PTPRN2: variants seen among roughly 807,000 people sequenced by gnomAD.
PTPRN2 encodes the protein receptor-type tyrosine-protein phosphatase N2.
Under a neutral mutation model 118.8 loss-of-function variants are expected in PTPRN2, and 74 were observed. That is an observed-to-expected ratio of 0.62 (90% CI 0.52 to 0.76). The LOEUF (loss-of-function observed/expected upper bound fraction) is 0.76, where lower values mean the gene tolerates loss of function less well. PTPRN2 is among the 30% of genes least tolerant of loss of function. PTPRN2 has a pLI of 0.00. For missense variants in PTPRN2, 1,481 were observed against 1,394.4 expected (o/e 1.06, Z -0.99); for synonymous variants, 641 against 608.0 (o/e 1.05, Z -0.80).
intron 6 of PTPRN2, among the ~76,000 whole-genome samples, chr7:158,145,858 T>G (rs576929891): frequency 6.6e-6 from 1 of 152,204 alleles, no homozygotes; most frequent in African/African-American, 2.4e-5. Flanking sequence ...GAAGAAAGGC[T>G]GACCATGCTC....
intron 11 of PTPRN2, among the ~76,000 whole-genome samples, chr7:157,930,124 G>A (rs534280495): frequency 5.3e-5 from 8 of 152,180 alleles, no homozygotes; most frequent in Admixed American, 2.0e-4. Context: ...GATGTTTTCC[G>A]GAACCTTCCT....
At chr7:158,334,096 G>C (rs369082175) in intron 2 of PTPRN2, among the ~76,000 whole-genome samples, 48 of 42,438 alleles carry the variant, frequency 1.1e-3, no homozygotes, top group South Asian at 2.2e-3. Flanking sequence ...ACCATAAGAG[G>C]TGACACCTGC....
rs571309784 is a variant in PTPRN2 at position 158,039,611 on chromosome 7, C to T, written c.1723+41687G>A. On this transcript the variant is annotated intron_variant, in intron 11 of 22. Coordinates refer to ENST00000389418, the MANE Select transcript of PTPRN2 (RefSeq NM_002847.5). ...AAATTTTAGCCTCTGACAATTACAG[C>T]TCCAGCAAACAGTAAACAGCCTAAC... is the stretch of plus-strand genomic sequence containing the variant. Among the ~76,000 whole-genome samples the T allele has an allele frequency of 3.9e-5, 6 of 152,298 alleles. No individual in the cohort carries two copies. The South Asian group carries it at 1.0e-3, about 26-fold the overall frequency.
At chr7:157,811,332 T>TTATATATATTTATATATATA (rs1554455382) in intron 12 of PTPRN2, among the ~76,000 whole-genome samples, 72 of 131,282 alleles carry the variant, frequency 5.5e-4, no homozygotes, top group African/African-American at 1.9e-3. Context: ...ATCTACTCTA[T>TTATATATATTTATATATATA]TATATATATA....
At chr7:158,131,585 TACAC>T (rs770816133) in intron 9 of PTPRN2, among the ~76,000 whole-genome samples, 3 of 129,668 alleles carry the variant, frequency 2.3e-5, no homozygotes, top group African/African-American at 6.1e-5. Flanking sequence ...TACACACTCA[TACAC>T]ACACACGAAC....
At chr7:158,243,343 A>G (rs1349085167) in intron 3 of PTPRN2, among the ~76,000 whole-genome samples, 6 of 152,242 alleles carry the variant, frequency 3.9e-5, no homozygotes, top group Non-Finnish European at 8.8e-5. Context: ...TCACACTGGC[A>G]CTTCTCACCT....
chr7:157,943,300 C>A (rs915568302), intron 11 of PTPRN2, among the ~76,000 whole-genome samples: 6 of 152,164 alleles, frequency 3.9e-5, no homozygotes, highest in African/African-American at 9.7e-5. Flanking sequence ...ACTCTGCGGA[C>A]CCCCAGAGGG....
chr7:158,144,604 A>C (rs1819712095), intron 6 of PTPRN2, among the ~76,000 whole-genome samples: 1 of 152,018 alleles, frequency 6.6e-6, no homozygotes, highest in Non-Finnish European at 1.5e-5. Flanking sequence ...GTGCCACTGC[A>C]CTCCAGCCTG....
intron 9 of PTPRN2, among the ~76,000 whole-genome samples, chr7:158,131,516 GACAC>G (rs1437068073): frequency 7.0e-5 from 10 of 142,980 alleles, no homozygotes; most frequent in Admixed American, 1.4e-4. Flanking sequence ...ACATCTACCC[GACAC>G]ACACACTCAT....
rs745943348 is a variant in PTPRN2 at position 157,893,194 on chromosome 7, A to T, written c.1788+5479T>A. On this transcript the variant is annotated intron_variant, in intron 12 of 22. Transcript: ENST00000389418. The surrounding 1 kb of genome is among the most constrained non-coding windows in gnomAD (Gnocchi z 4.0). ...TGGCCAGATCGTAACCAGTGGGTGA[A>T]ATAAACACTCTAGCGTTTGGTAATT... 1.3e-5 allele frequency among the ~76,000 whole-genome samples: 2 copies of T among 152,202 alleles called. No homozygotes were observed. The highest frequency in any genetic ancestry group is 4.8e-5 in the African/African-American group (2 of 41,452).
At chr7:157,636,656 A>G (rs1392042460) in intron 14 of PTPRN2, among the ~76,000 whole-genome samples, 1 of 152,256 alleles carries the variant, frequency 6.6e-6, no homozygotes, top group Non-Finnish European at 1.5e-5. Context: ...AAAGTTTACT[A>G]TTCAGGTGTC....
Position 157,745,377 on chromosome 7 carries a change from G to A in PTPRN2, c.1789-62440C>T, listed in dbSNP as rs2907683. On this transcript the variant is annotated intron_variant, in intron 12 of 22. Transcript: ENST00000389418. ...CCAGACGAACGCAAGGCTGAGAGCC[G>A]GGGGTGGTCTGCGGGAGGCAGGCAT... Among the ~76,000 whole-genome samples, 158 of 152,038 alleles carry A rather than the reference G, an allele frequency of 1.0e-3. 1 individual carries two copies. The highest frequency in any genetic ancestry group is 9.3e-3 in the East Asian group (48 of 5,182).
At chr7:157,793,089 G>T in intron 12 of PTPRN2, among the ~76,000 whole-genome samples, 1 of 152,204 alleles carries the variant, frequency 6.6e-6, no homozygotes, top group East Asian at 1.9e-4. Context: ...GCTGTGCCCG[G>T]GGAGAGGAAG....
At chr7:157,758,222 C>A (rs1347881818) in intron 12 of PTPRN2, among the ~76,000 whole-genome samples, 1 of 152,238 alleles carries the variant, frequency 6.6e-6, no homozygotes, top group Non-Finnish European at 1.5e-5. Flanking sequence ...GTACTAATGC[C>A]GACCACATCC....
Position 158,238,991 on chromosome 7 carries a change from C to G in PTPRN2, c.278-33718G>C, listed in dbSNP as rs554230269. On this transcript the variant is annotated intron_variant, in intron 3 of 22. Coordinates refer to ENST00000389418, the MANE Select transcript of PTPRN2 (RefSeq NM_002847.5). ...AGACTCCTGAATGGAGAAGAGGGTG[C>G]TGGCCTCAGAGGCTCTCGTGAGGGC... Among the ~76,000 whole-genome samples, 6 of 152,178 alleles carry G rather than the reference C, an allele frequency of 3.9e-5. 1 individual carries two copies. The South Asian group carries it at 1.2e-3, about 32-fold the overall frequency.
At position 158,146,981 on chromosome 7, in the gene PTPRN2, T is replaced by A. The variant is rs1353193866; in HGVS notation, c.911-8466A>T. On this transcript the variant is annotated intron_variant, in intron 6 of 22. Coordinates refer to ENST00000389418, the MANE Select transcript of PTPRN2 (RefSeq NM_002847.5). The stretch of plus-strand genomic sequence containing the variant: ...GACACCCCATCTCACGCCACGTGTC[T>A]TTCCCCCTCAATGACACCCCATCTC... 4.7e-3 allele frequency among the ~76,000 whole-genome samples: 450 copies of A among 95,914 alleles called. 12 individuals carry two copies. The highest frequency in any genetic ancestry group is 0.018 in the African/African-American group (402 of 22,840). 62.9% of individuals were successfully genotyped at this position (95,914 alleles called of 152,430 possible). A position where few individuals can be genotyped will look rare whatever the true frequency, so the allele number is the denominator to read the frequency against.
intron 14 of PTPRN2, among the ~76,000 whole-genome samples, chr7:157,639,163 A>G (rs2150689266): frequency 6.6e-6 from 1 of 151,456 alleles, no homozygotes; most frequent in African/African-American, 2.4e-5. Flanking sequence ...CAGCCTCCTG[A>G]GTAGCTGGGA....
At position 157,845,155 on chromosome 7, in the gene PTPRN2, C is replaced by T. The variant is rs1229530283; in HGVS notation, c.1788+53518G>A. 1.3e-5 allele frequency among the ~76,000 whole-genome samples: 2 copies of T among 152,110 alleles called. No individual in the cohort carries two copies. Among genetic ancestry groups the T allele is most frequent in the South Asian group, 4.1e-4 (2 of 4,836 alleles). ...GGGCAGAGAGCAACTTGGATGGCTGCCTTTGTTGTTTTTCAAATGGACTAT... is the reference window on the plus strand; with the variant it reads ...GGGCAGAGAGCAACTTGGATGGCTGTCTTTGTTGTTTTTCAAATGGACTAT... On this transcript the variant is annotated intron_variant, in intron 12 of 22. Coordinates refer to ENST00000389418, the MANE Select transcript of PTPRN2 (RefSeq NM_002847.5). The surrounding 1 kb of genome is among the most constrained non-coding windows in gnomAD (Gnocchi z 4.5).
chr7:158,015,115 T>A lies in PTPRN2; in HGVS notation c.1723+66183A>T, dbSNP rs750799567. ...GGGTTGCTGAAATGAGAGGCTCAGA[T>A]AGAGCAGAGGGAAACAATTCAGCTC... is the stretch of plus-strand genomic sequence containing the variant. On this transcript the variant is annotated intron_variant, in intron 11 of 22. Coordinates refer to ENST00000389418, the MANE Select transcript of PTPRN2 (RefSeq NM_002847.5). The surrounding 1 kb of genome is among the most constrained non-coding windows in gnomAD (Gnocchi z 4.2). Among the ~76,000 whole-genome samples, 1 of 152,198 alleles carries A rather than the reference T, an allele frequency of 6.6e-6. No individual in the cohort carries two copies. Among genetic ancestry groups the A allele is most frequent in the Non-Finnish European group, 1.5e-5 (1 of 68,036 alleles).
Sources: gnomAD v4.1 joint callset for allele counts (sites outside exome capture counted in the v4.1 genomes callset) on GRCh38, gnomAD v4.1.1 for gene constraint, Gnocchi (gnomAD v3.1) non-coding constraint, MANE v1.5 for transcripts, NCBI Gene and HGNC (gene_info 2026-07-23, HGNC 2026-07-21) for gene names.